Variants in OSBPL9 observed in about 807,000 individuals in gnomAD.
OSBPL9 encodes oxysterol-binding protein-related protein 9.
OSBPL9 carries 40 observed loss-of-function variants against 106.6 expected under a neutral mutation model. The observed-to-expected ratio is 0.38, with a 90% CI of 0.29 to 0.49. The LOEUF (loss-of-function observed/expected upper bound fraction) is 0.49, where lower values mean the gene tolerates loss of function less well. OSBPL9 is among the 20% of genes least tolerant of loss of function. The pLI is 0.97. For missense variants in OSBPL9, 609 were observed against 887.2 expected (o/e 0.69, Z 3.98); for synonymous variants, 269 against 295.4 (o/e 0.91, Z 0.92).
intron 4 of OSBPL9, among the ~76,000 whole-genome samples, chr1:51,720,670 A>C (rs888970116): frequency 6.6e-6 from 1 of 152,054 alleles, no homozygotes; most frequent in African/African-American, 2.4e-5. Context: ...TGATATTTCA[A>C]AAATTTAAAT....
chr1:51,730,389 A>G (rs1222335303), intron 4 of OSBPL9, among the ~76,000 whole-genome samples: 1 of 152,232 alleles, frequency 6.6e-6, no homozygotes, highest in Non-Finnish European at 1.5e-5. Flanking sequence ...CCAGTTGCCC[A>G]TTAATAGAAT....
rs1383138601 is a variant in OSBPL9 at position 51,760,744 on chromosome 1, A to G, written c.637A>G (p.Ile213Val). Residue 213 changes from isoleucine (I) to valine (V), a missense_variant, in exon 10 of 24, where the codon ATC becomes GTC. Physicochemically the swap from Ile to Val is conservative, Grantham distance 29. This residue lies in a region of OSBPL9 where 356 missense variants were observed against 505.8 expected (regional missense o/e 0.70). Transcript: ENST00000428468. ...TCAACCTAGTCCTTTGGAACCTGTGATCAGCACAATGCCTTCCCAGACTGT... is the reference window on the plus strand; with the variant it reads ...TCAACCTAGTCCTTTGGAACCTGTGGTCAGCACAATGCCTTCCCAGACTGT... ...IYQPSPLEPV[I>V]STMPSQTVLP... The G allele has an allele frequency of 4.3e-6, 7 of 1,613,954 alleles. No homozygotes were observed. The highest frequency in any genetic ancestry group is 5.9e-6 in the Non-Finnish European group (7 of 1,179,884).
At chr1:51,610,126 T>C (rs932652215) in intron 2 of OSBPL9, among the ~76,000 whole-genome samples, 3 of 152,202 alleles carry the variant, frequency 2.0e-5, no homozygotes, top group African/African-American at 7.2e-5. Context: ...TGTGAGATAA[T>C]TGCTACCTGA....
At chr1:51,625,590 G>C (rs1463064185) in intron 1 of OSBPL9, among the ~76,000 whole-genome samples, 1 of 150,598 alleles carries the variant, frequency 6.6e-6, no homozygotes, top group Non-Finnish European at 1.5e-5. Context: ...GCATGATTTT[G>C]GCTCACCGCA....
the OSBPL9 span, among the ~76,000 whole-genome samples, chr1:51,539,124 A>T: frequency 6.6e-6 from 1 of 152,188 alleles, no homozygotes; most frequent in African/African-American, 2.4e-5. Flanking sequence ...GGTCTCCAAA[A>T]TGTGTAACCA....
the OSBPL9 span, among the ~76,000 whole-genome samples, chr1:51,536,489 A>G: frequency 7.2e-5 from 11 of 151,886 alleles, no homozygotes; most frequent in African/African-American, 2.7e-4. Context: ...TTTTTTAAAA[A>G]ATTATTTTTG....
intron 1 of OSBPL9, among the ~76,000 whole-genome samples, chr1:51,587,807 T>C (rs1178050726): frequency 6.6e-6 from 1 of 152,210 alleles, no homozygotes; most frequent in Non-Finnish European, 1.5e-5. Context: ...AACCCAACCC[T>C]GCTGTATTCA....
chr1:51,768,817 C>G (rs901060610), intron 12 of OSBPL9, among the ~76,000 whole-genome samples: 6 of 152,208 alleles, frequency 3.9e-5, no homozygotes, highest in Admixed American at 2.0e-4. Context: ...TCCTTCTATG[C>G]TCTCCCAGTA....
chr1:51,704,921 G>A (rs1276793474), intron 3 of OSBPL9, among the ~76,000 whole-genome samples: 3 of 152,190 alleles, frequency 2.0e-5, no homozygotes, highest in African/African-American at 7.2e-5. Flanking sequence ...TATATTCAGA[G>A]TGTTGCTACC....
chr1:51,609,904 C>T (rs1185174436), intron 2 of OSBPL9, among the ~76,000 whole-genome samples: 3 of 151,716 alleles, frequency 2.0e-5, no homozygotes, highest in Non-Finnish European at 2.9e-5. Context: ...TGTGCCACCA[C>T]GCCCGGCTAA....
chr1:51,781,519 A>T (rs1676385037), intron 16 of OSBPL9, 184 bp downstream of exon 16: 3 of 578,916 alleles, frequency 5.2e-6, no homozygotes, highest in Non-Finnish European at 9.0e-6. Context: ...GGATGAGATG[A>T]GGATGGGGAT....
chr1:51,550,106 A>T, the OSBPL9 span, among the ~76,000 whole-genome samples: 1 of 152,110 alleles, frequency 6.6e-6, no homozygotes, highest in African/African-American at 2.4e-5. Context: ...TGACTTACCC[A>T]CTCTGAGCAG....
chr1:51,706,150 C>T (rs1326868997), intron 3 of OSBPL9, among the ~76,000 whole-genome samples: 1 of 152,088 alleles, frequency 6.6e-6, no homozygotes, highest in African/African-American at 2.4e-5. Context: ...GGCATTATTC[C>T]TTAAGAATTC....
chr1:51,551,043 C>T, the OSBPL9 span, among the ~76,000 whole-genome samples: 2 of 152,140 alleles, frequency 1.3e-5, no homozygotes, highest in African/African-American at 4.8e-5. Context: ...TCCCTTTCTA[C>T]TAATAAGGAA....
chr1:51,562,202 T>C, the OSBPL9 span, among the ~76,000 whole-genome samples: 1 of 152,202 alleles, frequency 6.6e-6, no homozygotes, highest in Non-Finnish European at 1.5e-5. Flanking sequence ...GATTGGATCA[T>C]GGGGGCAGAG....
chr1:51,539,166 A>C, the OSBPL9 span, among the ~76,000 whole-genome samples: 1 of 152,172 alleles, frequency 6.6e-6, no homozygotes, highest in African/African-American at 2.4e-5. Flanking sequence ...TGGATGTCTT[A>C]AGACATCTCA....
chr1:51,681,755 C>T (rs527660831), intron 3 of OSBPL9, among the ~76,000 whole-genome samples: 2 of 152,176 alleles, frequency 1.3e-5, no homozygotes, highest in African/African-American at 4.8e-5. Context: ...ATCGCAGATG[C>T]CCACACCCCT....
chr1:51,527,510 C>T, the OSBPL9 span, among the ~76,000 whole-genome samples: 165 of 152,256 alleles, frequency 1.1e-3, 1 homozygote, highest in South Asian at 0.033. Context: ...TTACCCACCT[C>T]AGCCTCCTGA....
chr1:51,523,130 A>G, the OSBPL9 span, among the ~76,000 whole-genome samples: 18 of 152,242 alleles, frequency 1.2e-4, no homozygotes, highest in Admixed American at 2.6e-4. Context: ...AAATAAATAA[A>G]TAAGAATAAG....
Sources: gnomAD v4.1 joint callset for allele counts (sites outside exome capture counted in the v4.1 genomes callset) on GRCh38, gnomAD v4.1.1 for gene constraint, gnomAD v4.1.1 regional missense constraint, MANE v1.5 for transcripts, NCBI Gene and HGNC (gene_info 2026-07-23, HGNC 2026-07-21) for gene names.